The following MUSK variants were observed in gnomAD, a reference collection of about 807,000 sequenced individuals.
MUSK encodes muscle, skeletal receptor tyrosine-protein kinase.
Under a neutral mutation model 88.7 loss-of-function variants are expected in MUSK, and 55 were observed. That is an observed-to-expected ratio of 0.62 (90% CI 0.50 to 0.78). The LOEUF (loss-of-function observed/expected upper bound fraction) is 0.78. Ranked by LOEUF, MUSK falls within the 30% of genes least tolerant of loss-of-function variation. The pLI is 0.00. For missense variants in MUSK, 1,015 were observed against 1,074.3 expected, an observed-to-expected ratio of 0.94 and a Z score of 0.77; for synonymous variants, 387 against 391.9, an observed-to-expected ratio of 0.99 and a Z score of 0.15.
chr9:110,733,023 C>T (rs1429595127), intron 5 of MUSK, among the ~76,000 whole-genome samples: 1 of 152,102 alleles, frequency 6.6e-6, no homozygotes, highest in Non-Finnish European at 1.5e-5. Context: ...TTATGTAGCA[C>T]ATGTGGTCTC....
rs72756515 is a variant in MUSK, at chr9:110,734,575, T to C, written c.753+200T>C. Among the ~76,000 whole-genome samples the C allele has an allele frequency of 9.3e-3, 1,420 of 152,238 alleles. 10 individuals carry two copies. The highest frequency in any genetic ancestry group is 0.02 in the South Asian group (97 of 4,820). ...AGAGTTTGCTTCCTTCCATGTATCA[T>C]GAGGAATACTAGAAAACCAATTTCT... is the stretch of plus-strand genomic sequence containing the variant. On this transcript the variant is annotated intron_variant, in intron 6 of 14. Coordinates refer to ENST00000374448, the MANE Select transcript of MUSK (RefSeq NM_005592.4).
At chr9:110,748,455 C>T (rs1221158092) in intron 7 of MUSK, among the ~76,000 whole-genome samples, 1 of 152,106 alleles carries the variant, frequency 6.6e-6, no homozygotes, top group African/African-American at 2.4e-5. Flanking sequence ...AAGAAAAAGG[C>T]TGACACACGG....
At chr9:110,736,720 T>A (rs1182766068) in intron 6 of MUSK, among the ~76,000 whole-genome samples, 1 of 152,082 alleles carries the variant, frequency 6.6e-6, no homozygotes, top group East Asian at 1.9e-4. Context: ...CTGCTGTGCA[T>A]TGTTTTGTAT....
At chr9:110,787,634 A>G (rs2077896807) in intron 13 of MUSK, 56 bp from the exon 14 acceptor site, 1 of 1,569,788 alleles carries the variant, frequency 6.4e-7, no homozygotes, top group East Asian at 2.2e-5. Context: ...GTGGGTAGGT[A>G]TAAAGATATG....
intron 5 of MUSK, among the ~76,000 whole-genome samples, chr9:110,730,155 C>T (rs2076944560): frequency 6.6e-6 from 1 of 151,888 alleles, no homozygotes; most frequent in Non-Finnish European, 1.5e-5. Flanking sequence ...CATTAAAGCC[C>T]CAAACTCATG....
intron 13 of MUSK, among the ~76,000 whole-genome samples, chr9:110,786,886 C>T (rs2077876622): frequency 6.6e-6 from 1 of 152,100 alleles, no homozygotes; most frequent in Non-Finnish European, 1.5e-5. Context: ...TTGGGCAAGA[C>T]ACAACTTAAT....
intron 9 of MUSK, among the ~76,000 whole-genome samples, chr9:110,769,124 G>A (rs1268092677): frequency 6.6e-6 from 1 of 152,090 alleles, no homozygotes; most frequent in East Asian, 1.9e-4. Flanking sequence ...GAATATGTCA[G>A]AAACTAGATA....
intron 11 of MUSK, among the ~76,000 whole-genome samples, chr9:110,783,244 C>T (rs533710550): frequency 1.1e-4 from 17 of 152,090 alleles, no homozygotes; most frequent in Non-Finnish European, 8.8e-5. Context: ...ATGCTCTTTT[C>T]TTCTGTGCTA....
At chr9:110,779,348 G>A (rs916814425) in intron 11 of MUSK, among the ~76,000 whole-genome samples, 2 of 151,976 alleles carry the variant, frequency 1.3e-5, no homozygotes, top group South Asian at 4.2e-4. Context: ...CTAAATTCTG[G>A]TTCTCTAGAA....
At chr9:110,750,090 G>A (rs1054635588) in intron 7 of MUSK, among the ~76,000 whole-genome samples, 1 of 152,032 alleles carries the variant, frequency 6.6e-6, no homozygotes, top group Non-Finnish European at 1.5e-5. Flanking sequence ...CATGGAGAGA[G>A]AGAGAGAATC....
chr9:110,754,504 A>T (rs2077287459), intron 7 of MUSK, among the ~76,000 whole-genome samples: 1 of 152,184 alleles, frequency 6.6e-6, no homozygotes, highest in African/African-American at 2.4e-5. Flanking sequence ...AAATAAAAGA[A>T]AATGCAAGTG....
At chr9:110,671,936 A>G (rs140691610) in intron 1 of MUSK, among the ~76,000 whole-genome samples, 1 of 152,324 alleles carries the variant, frequency 6.6e-6, no homozygotes, top group East Asian at 1.9e-4. Flanking sequence ...GTTTGAGCGT[A>G]CGTGATTTTA....
chr9:110,779,967 A>G (rs1324340024), intron 11 of MUSK, among the ~76,000 whole-genome samples: 1 of 152,044 alleles, frequency 6.6e-6, no homozygotes, highest in Non-Finnish European at 1.5e-5. Flanking sequence ...AGTATTAATA[A>G]TGGTAATTTT....
At position 110,804,669 on chromosome 9, in the gene MUSK, T is replaced by A. The variant is rs1407786398; in HGVS notation, c.*3681T>A. On this transcript the variant is annotated 3_prime_UTR_variant, in exon 15 of 15. Coordinates refer to ENST00000374448, the MANE Select transcript of MUSK (RefSeq NM_005592.4). ...ACACAAGAGATCACATCTACTTACT[T>A]TACCTTAAAATAACATTTACTTATT... 6.7e-6 allele frequency among the ~76,000 whole-genome samples: 1 copy of A among 149,182 alleles called. No individual in the cohort carries two copies. Among genetic ancestry groups the A allele is most frequent in the Non-Finnish European group, 1.5e-5 (1 of 66,728 alleles).
chr9:110,690,081 T>G (rs189395105), intron 3 of MUSK, among the ~76,000 whole-genome samples: 1,322 of 93,346 alleles, frequency 0.014, 14 homozygotes, highest in Middle Eastern at 0.027. Context: ...TATAAATATA[T>G]AAATATATAT....
chr9:110,786,737 A>G (rs1383185250), intron 13 of MUSK, among the ~76,000 whole-genome samples: 2 of 152,222 alleles, frequency 1.3e-5, no homozygotes, highest in African/African-American at 4.8e-5. Flanking sequence ...TAGGGCCAAT[A>G]TTAGCCTATG....
rs1347303370 is a variant in MUSK, at chr9:110,804,312, A to G, written c.*3324A>G. 6.6e-6 allele frequency among the ~76,000 whole-genome samples: 1 copy of G among 152,136 alleles called. No individual in the cohort carries two copies. Among genetic ancestry groups the G allele is most frequent in the African/African-American group, 2.4e-5 (1 of 41,452 alleles). On this transcript the variant is annotated 3_prime_UTR_variant, in exon 15 of 15. Transcript: ENST00000374448. The stretch of plus-strand genomic sequence containing the variant: ...ATGTCTGGACCAAATGGCATGTACA[A>G]TATTAACACTTCTGTTATGTGGTTT...
Position 110,701,652 on chromosome 9 carries a change from ATTTATTTTATTTATTTTATT to A in MUSK, c.628+4189_628+4208del, listed in dbSNP as rs1434908201. Among the ~76,000 whole-genome samples the A allele has an allele frequency of 8.9e-3, 96 of 10,796 alleles. 15 individuals are homozygous for A. Among genetic ancestry groups the A allele is most frequent in the Non-Finnish European group, 0.015 (67 of 4,440 alleles). 7.1% of individuals were successfully genotyped at this position (10,796 alleles called of 152,430 possible). A position where few individuals can be genotyped will look rare whatever the true frequency, so the allele number is the denominator to read the frequency against. On this transcript the variant is annotated intron_variant, in intron 5 of 14. Transcript: ENST00000374448. ...CAGGTGTGCACTACTGTGCTCAGCT[ATTTATTTTATTTATTTTATT>A]TTATTTTTTTTACTTTACTTTATTT...
At chr9:110,761,558 C>A (rs1243592988) in intron 7 of MUSK, among the ~76,000 whole-genome samples, 1 of 147,414 alleles carries the variant, frequency 6.8e-6, no homozygotes, top group African/African-American at 2.5e-5. Flanking sequence ...TGTTAACCTC[C>A]ACATCTTGCT....
Sources: gnomAD v4.1 joint callset for allele counts (sites outside exome capture counted in the v4.1 genomes callset) on GRCh38, gnomAD v4.1.1 for gene constraint, MANE v1.5 for transcripts, NCBI Gene and HGNC (gene_info 2026-07-23, HGNC 2026-07-21) for gene names.